Variants in TRPM8 observed in about 807,000 individuals in gnomAD.
The protein encoded by TRPM8 is TRPM8 cationic channel.
Under a neutral mutation model 133.7 loss-of-function variants are expected in TRPM8, and 110 were observed. The observed-to-expected ratio is 0.82, with a 90% confidence interval of 0.70 to 0.96. TRPM8 has a LOEUF of 0.96. Among genes scored for constraint, TRPM8 ranks in the 40% least tolerant of loss-of-function variants. TRPM8 has a pLI of 0.00. For missense variants in TRPM8, 1,291 were observed against 1,379.5 expected (o/e 0.94, Z 1.02); for synonymous variants, 535 against 532.3 (o/e 1.01, Z -0.07).
At chr2:233,987,875 T>G (rs201601525) in intron 21 of TRPM8, among the ~76,000 whole-genome samples, 1 of 152,208 alleles carries the variant, frequency 6.6e-6, no homozygotes, top group East Asian at 1.9e-4. Context: ...TCTGTTTGCC[T>G]GCTGCCATCC....
intron 24 of TRPM8, chr2:234,013,079 G>T (rs566999240): frequency 3.0e-4 from 45 of 152,206 alleles, no homozygotes; most frequent in African/African-American, 1.1e-3. Flanking sequence ...TTGGCCTATA[G>T]TTTTCTTTTC....
chr2:233,970,585 TTTCATACCCTTAGTAA>T, intron 17 of TRPM8, 159 bp downstream of exon 17: 1 of 661,748 alleles, frequency 1.5e-6, no homozygotes, highest in East Asian at 2.7e-5. Context: ...GAAGGTGCAT[TTTCATACCCTTAGTAA>T]TTCAGTAAGG....
intron 3 of TRPM8, among the ~76,000 whole-genome samples, chr2:233,934,477 TC>T (rs1691748516): frequency 6.6e-6 from 1 of 152,208 alleles, no homozygotes; most frequent in Non-Finnish European, 1.5e-5. Context: ...ATGAACAGGC[TC>T]ATCTTGATCC....
chr2:234,006,674 C>T (rs1692701440), intron 22 of TRPM8, among the ~76,000 whole-genome samples, 179 bp from the exon 23 acceptor site: 1 of 152,192 alleles, frequency 6.6e-6, no homozygotes, highest in South Asian at 2.1e-4. Flanking sequence ...TAGGAGAAAG[C>T]CATTACTATT....
chr2:233,984,175 G>A (rs951845488), intron 20 of TRPM8, among the ~76,000 whole-genome samples: 2 of 152,138 alleles, frequency 1.3e-5, no homozygotes, highest in Non-Finnish European at 2.9e-5. Context: ...GTGTGCCCCC[G>A]GGAAGTGACT....
intron 3 of TRPM8, 136 bp downstream of exon 3, chr2:233,930,877 C>A: frequency 1.6e-6 from 1 of 609,346 alleles, no homozygotes. Context: ...ACTGTTTGCG[C>A]AGGAAGGATC....
At position 233,987,946 on chromosome 2, in the gene TRPM8, C is replaced by T. The variant is rs375455866; in HGVS notation, c.2939+2081C>T. Among the ~76,000 whole-genome samples the T allele has an allele frequency of 5.9e-3, 896 of 151,064 alleles. 10 individuals carry two copies. The highest frequency in any genetic ancestry group is 0.021 in the African/African-American group (863 of 41,096). ...CATGATTGTGAGGCCTCCCCAGCCA[C>T]GTGGAACTGTGAGTCCATTAAACCT... is the stretch of plus-strand genomic sequence containing the variant. On this transcript the variant is annotated intron_variant, in intron 21 of 25. Coordinates refer to ENST00000324695, the MANE Select transcript of TRPM8 (RefSeq NM_024080.5).
intron 13 of TRPM8, among the ~76,000 whole-genome samples, chr2:233,964,168 G>A (rs930600301): frequency 1.3e-5 from 2 of 152,008 alleles, no homozygotes; most frequent in African/African-American, 4.8e-5. Context: ...TCTCTAACCC[G>A]TCCCATAAAA....
At chr2:233,963,170 G>T in intron 12 of TRPM8, 112 bp from the exon 13 acceptor site, 1 of 571,152 alleles carries the variant, frequency 1.8e-6, no homozygotes, top group Non-Finnish European at 3.1e-6. Context: ...TGTGAGAATG[G>T]AGTCATGCAC....
rs28902177 is a variant in TRPM8 at position 233,965,278 on chromosome 2, G to A, written c.1879+521G>A. On this transcript the variant is annotated intron_variant, in intron 14 of 25. Coordinates refer to ENST00000324695, the MANE Select transcript of TRPM8 (RefSeq NM_024080.5). ...TGCCTCGGTTCCCAAGGGGTAACTC[G>A]AATAACAGTTGCCCTGCAGCTCCCT... Among the ~76,000 whole-genome samples, 53 of 152,258 alleles carry A rather than the reference G, an allele frequency of 3.5e-4. No individual in the cohort carries two copies. The East Asian group carries it at 7.2e-3, about 21-fold the overall frequency.
intron 14 of TRPM8, among the ~76,000 whole-genome samples, chr2:233,965,128 C>T (rs1027835420): frequency 1.3e-5 from 2 of 151,974 alleles, no homozygotes; most frequent in African/African-American, 4.8e-5. Flanking sequence ...TGTGCCCTAA[C>T]CAGTTAGCCT....
At position 233,956,189 on chromosome 2, in the gene TRPM8, G is replaced by T. The variant is rs62192337; in HGVS notation, c.1362+939G>T. 1.4e-3 allele frequency among the ~76,000 whole-genome samples: 218 copies of T among 152,272 alleles called. 3 individuals are homozygous for T. Among genetic ancestry groups the T allele is most frequent in the Non-Finnish European group, 1.8e-3 (122 of 68,024 alleles). ...CCAAGACCATCCCCCCAGCCTGGTCGATGGTAAAATTCTCTTCCAGGAAAC... is the reference window on the plus strand; with the variant it reads ...CCAAGACCATCCCCCCAGCCTGGTCTATGGTAAAATTCTCTTCCAGGAAAC... On this transcript the variant is annotated intron_variant, in intron 11 of 25. Coordinates refer to ENST00000324695, the MANE Select transcript of TRPM8 (RefSeq NM_024080.5).
At chr2:233,949,852 C>G in intron 8 of TRPM8, 97 bp from the exon 9 acceptor site, 1 of 1,065,570 alleles carries the variant, frequency 9.4e-7, no homozygotes, top group Non-Finnish European at 1.4e-6. Context: ...AGGGATGTGT[C>G]CGTGTGTTTC....
At chr2:233,972,794 A>C (rs1691764292) in intron 17 of TRPM8, among the ~76,000 whole-genome samples, 1 of 152,068 alleles carries the variant, frequency 6.6e-6, no homozygotes, top group South Asian at 2.1e-4. Flanking sequence ...GCCCACCCGG[A>C]ACTCCATCTG....
At chr2:233,996,653 GGCCTC>G in intron 22 of TRPM8, 137 bp downstream of exon 22, 2 of 806,530 alleles carry the variant, frequency 2.5e-6, no homozygotes, top group Non-Finnish European at 3.9e-6. Flanking sequence ...GTAAAGATCA[GGCCTC>G]AGGCCAACCA....
chr2:233,995,432 T>C (rs971492295), intron 21 of TRPM8, among the ~76,000 whole-genome samples: 1 of 152,218 alleles, frequency 6.6e-6, no homozygotes, highest in African/African-American at 2.4e-5. Context: ...TTCATACTCA[T>C]TGCCTCATGC....
At chr2:233,978,412 T>G (rs1235866032) in intron 17 of TRPM8, among the ~76,000 whole-genome samples, 2 of 152,044 alleles carry the variant, frequency 1.3e-5, no homozygotes, top group Non-Finnish European at 2.9e-5. Flanking sequence ...TGAGATGTCA[T>G]TTTTTTCACT....
Position 234,014,594 on chromosome 2 carries a change from T to G in TRPM8, c.3297T>G (p.Ile1099Met). The change falls in exon 25 of 26, where the codon ATT becomes ATG. Residue 1099 changes from isoleucine (I) to methionine (M), a missense_variant. Physicochemically the swap from Ile to Met is conservative, Grantham distance 10. Around this residue, in one of 2 missense-constraint regions of TRPM8, gnomAD observed 328 missense variants for 410.6 expected, o/e 0.80. Coordinates refer to ENST00000324695, the MANE Select transcript of TRPM8 (RefSeq NM_024080.5). ...ATCTCAAGGGTCTTCTGAAAGAGATTGCTAATAAAATCAAATAAAACTGTA... is the reference window on the plus strand; with the variant it reads ...ATCTCAAGGGTCTTCTGAAAGAGATGGCTAATAAAATCAAATAAAACTGTA... ...LNDLKGLLKE[I>M]ANKIK 6.4e-7 allele frequency: 1 copy of G among 1,551,952 alleles called. No homozygotes were observed. Among genetic ancestry groups the G allele is most frequent in the Non-Finnish European group, 8.7e-7 (1 of 1,150,330 alleles).
chr2:233,931,637 C>T (rs540838726), intron 3 of TRPM8, among the ~76,000 whole-genome samples: 2 of 152,332 alleles, frequency 1.3e-5, no homozygotes, highest in South Asian at 4.1e-4. Flanking sequence ...AAGTATACCT[C>T]ATGGGTTGTG....
Sources: gnomAD v4.1 joint callset for allele counts (sites outside exome capture counted in the v4.1 genomes callset) on GRCh38, gnomAD v4.1.1 for gene constraint, gnomAD v4.1.1 regional missense constraint, MANE v1.5 for transcripts, NCBI Gene and HGNC (gene_info 2026-07-23, HGNC 2026-07-21) for gene names.